CAST: variants seen among roughly 807,000 people sequenced by gnomAD.
CAST encodes MIR583 host.
Under a neutral mutation model 119.6 loss-of-function variants are expected in CAST, and 76 were observed. That is an observed-to-expected ratio of 0.64 (90% CI 0.53 to 0.77). CAST has a LOEUF of 0.77. Ranked by LOEUF, CAST falls within the 30% of genes least tolerant of loss-of-function variation. The pLI is 0.00. For missense variants in CAST, 953 were observed against 946.5 expected (o/e 1.01, Z -0.09); for synonymous variants, 319 against 331.6 (o/e 0.96, Z 0.41).
intron 1 of CAST, among the ~76,000 whole-genome samples, chr5:96,563,205 T>TA (rs1746412238): frequency 6.6e-6 from 1 of 152,166 alleles, no homozygotes; most frequent in South Asian, 2.1e-4. Flanking sequence ...AAAACTCCCA[T>TA]AAAAAATAGT....
chr5:96,199,278 G>A, the CAST span, among the ~76,000 whole-genome samples: 1 of 152,102 alleles, frequency 6.6e-6, no homozygotes, highest in Admixed American at 6.6e-5. Flanking sequence ...TTAAGTTAAA[G>A]CAGTCCTGTT....
chr5:96,722,687 A>T lies in CAST; in HGVS notation c.259A>T (p.Thr87Ser). 1 of 1,611,546 alleles carries T rather than the reference A, an allele frequency of 6.2e-7. No homozygotes were observed. The highest frequency in any genetic ancestry group is 8.5e-7 in the Non-Finnish European group (1 of 1,177,636). ...ATSKSSSMNP[T>S]ETKAIPVSQQ... Reference sequence around the variant, plus strand: ...CAGCAAGTCTTCCAGTATGAATCCCACAGAAACCAAGGTATGAAGAATGCT... The same window carrying T: ...CAGCAAGTCTTCCAGTATGAATCCCTCAGAAACCAAGGTATGAAGAATGCT... Residue 87 changes from threonine (T) to serine (S), a missense_variant, in exon 4 of 32, where the codon ACA becomes TCA. Physicochemically the swap from Thr to Ser is moderately conservative, Grantham distance 58. Coordinates refer to ENST00000675179, the MANE Select transcript of CAST (RefSeq NM_001750.7).
rs548590830 is a variant in CAST at position 96,543,220 on chromosome 5, G to T, written c.60+13340G>T. Among the ~76,000 whole-genome samples, 9 of 152,200 alleles carry T rather than the reference G, an allele frequency of 5.9e-5. No homozygotes were observed. In the South Asian group the frequency reaches 1.7e-3, roughly 28 times the overall value. Reference sequence around the variant, plus strand: ...ATGCAGCCATAAAAAGAATGAGTTCGTGTCCTTTGCAGGGACATGAATGAA... The same window carrying T: ...ATGCAGCCATAAAAAGAATGAGTTCTTGTCCTTTGCAGGGACATGAATGAA... On this transcript the variant is annotated intron_variant, in intron 1 of 11. Coordinates refer to the CAST transcript ENST00000505143.
chr5:96,698,982 A>C (rs1753601003), intron 3 of CAST, among the ~76,000 whole-genome samples: 1 of 152,194 alleles, frequency 6.6e-6, no homozygotes, highest in South Asian at 2.1e-4. Context: ...CAAAATGAGG[A>C]ATTGGGCCCT....
intron 1 of CAST, among the ~76,000 whole-genome samples, chr5:96,594,364 A>G (rs1365230155): frequency 6.6e-6 from 1 of 152,218 alleles, no homozygotes; most frequent in African/African-American, 2.4e-5. Flanking sequence ...GAATGCATGA[A>G]TGTCAAGATG....
intron 4 of CAST, among the ~76,000 whole-genome samples, chr5:96,726,487 A>G (rs1373956483): frequency 6.6e-6 from 1 of 152,258 alleles, no homozygotes; most frequent in African/African-American, 2.4e-5. Flanking sequence ...AACATTGGAT[A>G]CATAGGAAAA....
chr5:96,455,040 G>T, the CAST span, among the ~76,000 whole-genome samples: 1 of 152,268 alleles, frequency 6.6e-6, no homozygotes, highest in Middle Eastern at 3.4e-3. Flanking sequence ...TAAAAAGTGA[G>T]TCAATTAAAA....
chr5:96,066,098 A>G, the CAST span, among the ~76,000 whole-genome samples: 1 of 152,216 alleles, frequency 6.6e-6, no homozygotes, highest in Middle Eastern at 3.2e-3. Context: ...ATGAAGAGAG[A>G]AGATGAAAAA....
chr5:96,438,690 T>C, the CAST span, among the ~76,000 whole-genome samples: 1 of 152,212 alleles, frequency 6.6e-6, no homozygotes, highest in Admixed American at 6.5e-5. Flanking sequence ...GTCTAATTAC[T>C]AGTGATGTTA....
the CAST span, among the ~76,000 whole-genome samples, chr5:96,290,964 G>T: frequency 6.6e-6 from 1 of 152,188 alleles, no homozygotes; most frequent in African/African-American, 2.4e-5. Flanking sequence ...CTTCCACCTT[G>T]CCTTCTCTTG....
At chr5:96,265,383 C>T in the CAST span, among the ~76,000 whole-genome samples, 563 of 151,888 alleles carry the variant, frequency 3.7e-3, 2 homozygotes, top group African/African-American at 0.013. Flanking sequence ...GAATTGGAGA[C>T]GCAGGAAAGC....
At chr5:96,227,889 G>A in the CAST span, among the ~76,000 whole-genome samples, 8 of 152,242 alleles carry the variant, frequency 5.3e-5, no homozygotes, top group African/African-American at 1.4e-4. Flanking sequence ...GGCCAACAAT[G>A]TGTAAGGGCA....
At chr5:96,313,912 A>G in the CAST span, among the ~76,000 whole-genome samples, 1 of 152,208 alleles carries the variant, frequency 6.6e-6, no homozygotes, top group Non-Finnish European at 1.5e-5. Flanking sequence ...TGTATCAGAC[A>G]TCAAAAAGAT....
At chr5:96,268,544 C>G in the CAST span, among the ~76,000 whole-genome samples, 1 of 152,136 alleles carries the variant, frequency 6.6e-6, no homozygotes, top group Admixed American at 6.6e-5. Flanking sequence ...CACCACTGCA[C>G]TCCATTTCAC....
intron 22 of CAST, among the ~76,000 whole-genome samples, chr5:96,755,986 TTAG>T (rs912542561): frequency 2.0e-5 from 3 of 152,172 alleles, no homozygotes; most frequent in African/African-American, 7.2e-5. Flanking sequence ...TTTACTGAAT[TTAG>T]TAGTAGTGTT....
the CAST span, among the ~76,000 whole-genome samples, chr5:96,138,837 G>A: frequency 6.6e-6 from 1 of 151,760 alleles, no homozygotes; most frequent in Non-Finnish European, 1.5e-5. Context: ...TTGTTTCTTT[G>A]GGATTTTCTA....
chr5:96,654,709 CAAAA>C lies in CAST; in HGVS notation c.61-20827_61-20824del, dbSNP rs150983812. ...TTGGAAAATGAAAAGTAAGAAAAAA[CAAAA>C]AAGGGGCATCTGGATTTTCAAGAAT... On this transcript the variant is annotated intron_variant, in intron 1 of 11. Transcript: ENST00000505143. Among the ~76,000 whole-genome samples the C allele has an allele frequency of 3.4e-3, 521 of 151,440 alleles. 3 individuals carry two copies. The highest frequency in any genetic ancestry group is 0.012 in the African/African-American group (483 of 41,372).
chr5:96,195,085 G>A, the CAST span, among the ~76,000 whole-genome samples: 1 of 152,250 alleles, frequency 6.6e-6, no homozygotes. Context: ...TGTTATGCCA[G>A]AGGGCAGAAC....
chr5:96,138,546 G>T, the CAST span, among the ~76,000 whole-genome samples: 3 of 151,984 alleles, frequency 2.0e-5, no homozygotes, highest in Non-Finnish European at 4.4e-5. Context: ...TTGCTTTAAA[G>T]TTACAGGCCA....
Sources: gnomAD v4.1 joint callset for allele counts (sites outside exome capture counted in the v4.1 genomes callset) on GRCh38, gnomAD v4.1.1 for gene constraint, MANE v1.5 for transcripts, NCBI Gene and HGNC (gene_info 2026-07-23, HGNC 2026-07-21) for gene names.